Variants in ADAM18 observed in about 807,000 individuals in gnomAD.
The protein encoded by ADAM18 is ADAM metallopeptidase domain 18.
Under a neutral mutation model 94.4 loss-of-function variants are expected in ADAM18, and 117 were observed. The observed-to-expected ratio is 1.24, with a 90% CI of 1.07 to 1.45. ADAM18 has a LOEUF of 1.45. Among genes scored for constraint, ADAM18 ranks in the 40% most tolerant of loss-of-function variants. The probability of loss-of-function intolerance (pLI) is 0.00; values close to 1 mark genes in which losing one functional copy is unlikely to be tolerated. For missense variants in ADAM18, 936 were observed against 880.0 expected (o/e 1.06, Z -0.81); for synonymous variants, 327 against 291.6 (o/e 1.12, Z -1.24).
intron 17 of ADAM18, among the ~76,000 whole-genome samples, chr8:39,704,344 A>G (rs186668170): frequency 2.5e-4 from 38 of 152,240 alleles, no homozygotes; most frequent in African/African-American, 8.4e-4. Context: ...AAGCACATCA[A>G]AAAAGATTAT....
At chr8:39,612,579 G>C (rs1050354593) in intron 6 of ADAM18, among the ~76,000 whole-genome samples, 3 of 152,028 alleles carry the variant, frequency 2.0e-5, no homozygotes, top group Non-Finnish European at 4.4e-5. Context: ...AGCCAGGAGC[G>C]CTCATACCCC....
intron 17 of ADAM18, among the ~76,000 whole-genome samples, chr8:39,695,611 G>T (rs1167972409): frequency 1.3e-5 from 2 of 150,470 alleles, no homozygotes; most frequent in Admixed American, 1.3e-4. Context: ...CTAGCCCCTG[G>T]TATCCACTAT....
intron 2 of ADAM18, among the ~76,000 whole-genome samples, chr8:39,594,793 G>GTTT (rs71237182): frequency 1.7e-4 from 8 of 46,856 alleles, no homozygotes; most frequent in South Asian, 1.0e-3. Flanking sequence ...TTTGCTGTGA[G>GTTT]TTTTTTTTTT....
chr8:39,697,111 T>C (rs1038741269), intron 17 of ADAM18, among the ~76,000 whole-genome samples: 3 of 151,658 alleles, frequency 2.0e-5, no homozygotes, highest in Non-Finnish European at 4.4e-5. Flanking sequence ...TAGTATTCTA[T>C]TCTTTCTAAT....
Position 39,648,484 on chromosome 8 carries a change from G to A in ADAM18, c.1187G>A (p.Gly396Glu), listed in dbSNP as rs1268455134. ...LHQNQPVCGN[G>E]ILESNEECDC... ...CAAAATCAACCAGTGTGTGGTAATG[G>A]GATTTTGGAATCCAATGAAGAATGT... The change falls in exon 12 of 20, where the codon GGG becomes GAG. Residue 396 changes from glycine (G) to glutamate (E), a missense_variant. Gly to Glu is a moderately conservative substitution (Grantham distance 98). Coordinates refer to ENST00000265707, the MANE Select transcript of ADAM18 (RefSeq NM_014237.3). 1 of 1,610,690 alleles carries A rather than the reference G, an allele frequency of 6.2e-7. No individual in the cohort carries two copies. Among genetic ancestry groups the A allele is most frequent in the South Asian group, 1.1e-5 (1 of 90,260 alleles).
At chr8:39,689,874 G>A (rs145374778) in intron 16 of ADAM18, among the ~76,000 whole-genome samples, 293 of 152,112 alleles carry the variant, frequency 1.9e-3, no homozygotes, top group African/African-American at 6.8e-3. Context: ...TGATTTCTTT[G>A]AGCAGCGTTT....
At chr8:39,670,437 C>T (rs1821122868) in intron 14 of ADAM18, among the ~76,000 whole-genome samples, 1 of 152,060 alleles carries the variant, frequency 6.6e-6, no homozygotes, top group Non-Finnish European at 1.5e-5. Flanking sequence ...TTACCAAAAA[C>T]CACAGGTGGT....
chr8:39,651,850 A>C (rs1163134749), intron 12 of ADAM18, among the ~76,000 whole-genome samples: 1 of 152,186 alleles, frequency 6.6e-6, no homozygotes, highest in Non-Finnish European at 1.5e-5. Flanking sequence ...TGACTTCAAA[A>C]TATACTATAA....
chr8:39,698,172 T>C (rs1352999555), intron 17 of ADAM18, among the ~76,000 whole-genome samples: 1 of 151,858 alleles, frequency 6.6e-6, no homozygotes, highest in Non-Finnish European at 1.5e-5. Flanking sequence ...AGCTATTTTC[T>C]AGTTCTATTA....
intron 17 of ADAM18, among the ~76,000 whole-genome samples, chr8:39,705,873 C>T (rs1421045331): frequency 6.6e-6 from 1 of 151,968 alleles, no homozygotes; most frequent in African/African-American, 2.4e-5. Context: ...TTTATACATA[C>T]AGGTATGAGA....
At chr8:39,624,915 G>C (rs926048639) in intron 6 of ADAM18, among the ~76,000 whole-genome samples, 1 of 152,182 alleles carries the variant, frequency 6.6e-6, no homozygotes, top group Non-Finnish European at 1.5e-5. Context: ...TTCCTGTACA[G>C]CCTGTGGAAC....
At chr8:39,630,494 G>A (rs889467938) in intron 7 of ADAM18, among the ~76,000 whole-genome samples, 8 of 151,842 alleles carry the variant, frequency 5.3e-5, no homozygotes, top group East Asian at 3.9e-4. Context: ...TGAATGACTA[G>A]CATTTAGCAG....
rs191505323 is a variant in ADAM18 at position 39,714,580 on chromosome 8, T to G, written c.2017+7676T>G. 1.3e-3 allele frequency among the ~76,000 whole-genome samples: 198 copies of G among 152,176 alleles called. 1 individual carries two copies. The highest frequency in any genetic ancestry group is 4.3e-4 in the Non-Finnish European group (29 of 67,984). ...AAAGTAAAAAATTGGAGAAAGATCT[T>G]TGTGTGTGTGTAACACCAGTATCAA... On this transcript the variant is annotated intron_variant, in intron 18 of 19. Transcript: ENST00000265707.
At chr8:39,655,027 G>C (rs73607909) in intron 12 of ADAM18, among the ~76,000 whole-genome samples, 5,724 of 152,066 alleles carry the variant, frequency 0.038, 277 homozygotes, top group African/African-American at 0.12. Context: ...CTGTACAGAA[G>C]CTTTTTAGCT....
At chr8:39,700,192 A>G (rs2129581094) in intron 17 of ADAM18, among the ~76,000 whole-genome samples, 1 of 152,350 alleles carries the variant, frequency 6.6e-6, no homozygotes, top group Non-Finnish European at 1.5e-5. Flanking sequence ...TTTTAAGAAA[A>G]TCACATAATG....
intron 2 of ADAM18, among the ~76,000 whole-genome samples, chr8:39,599,102 C>A (rs147558311): frequency 6.6e-6 from 1 of 152,058 alleles, no homozygotes; most frequent in Non-Finnish European, 1.5e-5. Context: ...TGAGCCACTG[C>A]GCCAGGCTGG....
chr8:39,668,483 C>A (rs1027348011), intron 14 of ADAM18, among the ~76,000 whole-genome samples: 2 of 152,046 alleles, frequency 1.3e-5, no homozygotes, highest in South Asian at 2.1e-4. Flanking sequence ...TCAGTAGATT[C>A]TAAAATTTAT....
In ADAM18 at chr8:39,648,984, T is replaced by C. The variant is rs1820455891; in HGVS notation, c.1230+457T>C. ...TTTACAAATTTTTGAATGACCAAAA[T>C]TTGTTTTATTTATTCATTTTAAAAT... On this transcript the variant is annotated intron_variant, in intron 12 of 19. Coordinates refer to ENST00000265707, the MANE Select transcript of ADAM18 (RefSeq NM_014237.3). 3.3e-5 allele frequency among the ~76,000 whole-genome samples: 5 copies of C among 152,302 alleles called. No individual in the cohort carries two copies. The South Asian group carries it at 6.2e-4, about 19-fold the overall frequency.
intron 12 of ADAM18, among the ~76,000 whole-genome samples, chr8:39,655,227 G>A (rs1013011542): frequency 1.3e-5 from 2 of 152,090 alleles, no homozygotes; most frequent in East Asian, 3.8e-4. Context: ...TGGAGATCTA[G>A]TTTCATTCTC....
Sources: gnomAD v4.1 joint callset for allele counts (sites outside exome capture counted in the v4.1 genomes callset) on GRCh38, gnomAD v4.1.1 for gene constraint, MANE v1.5 for transcripts, NCBI Gene and HGNC (gene_info 2026-07-23, HGNC 2026-07-21) for gene names.